XPA: variants seen among roughly 807,000 people sequenced by gnomAD.
XPA encodes DNA repair protein complementing XP-A cells.
In XPA, 27 loss-of-function variants were observed where a neutral mutation model predicts 35.7. The observed-to-expected ratio is 0.76, with a 90% CI of 0.56 to 1.04. The LOEUF is 1.04. Among genes scored for constraint, XPA ranks in the 50% least tolerant of loss-of-function variants. The pLI, the probability that XPA is intolerant of heterozygous loss-of-function variation, is 0.00. For synonymous variants in XPA, 133 were observed against 118.4 expected (o/e 1.12, Z -0.80); for missense variants, 354 against 342.7 (o/e 1.03, Z -0.26).
chr9:97,672,269 A>G (rs1237679065), downstream of XPA: 1 of 149,940 alleles, frequency 6.7e-6, no homozygotes, highest in Non-Finnish European at 1.5e-5. Context: ...TCCTACAACT[A>G]CTGGTAGTGT....
At chr9:97,679,423 A>G (rs1445528218) in intron 5 of XPA, among the ~76,000 whole-genome samples, 1 of 152,226 alleles carries the variant, frequency 6.6e-6, no homozygotes, top group Non-Finnish European at 1.5e-5. Flanking sequence ...TTAAAAAGAC[A>G]GGAGCTACCT....
chr9:97,667,029 G>A, the XPA span: 7 of 580,610 alleles, frequency 1.2e-5, no homozygotes, highest in Non-Finnish European at 2.1e-5. Context: ...TAATGCAGAA[G>A]CAGAAGAGGA....
chr9:97,660,352 T>C, the XPA span, among the ~76,000 whole-genome samples: 9 of 152,180 alleles, frequency 5.9e-5, no homozygotes, highest in African/African-American at 1.9e-4. Context: ...CAAATTTTTA[T>C]AATAAGGACT....
intron 1 of XPA, among the ~76,000 whole-genome samples, chr9:97,694,958 A>C (rs561381003): frequency 6.6e-6 from 1 of 152,372 alleles, no homozygotes; most frequent in East Asian, 1.9e-4. Flanking sequence ...AAATGTGTGA[A>C]TCTCTCAGAT....
At chr9:97,682,760 T>C (rs554007071) in intron 5 of XPA, among the ~76,000 whole-genome samples, 1 of 152,312 alleles carries the variant, frequency 6.6e-6, no homozygotes, top group Middle Eastern at 3.4e-3. Flanking sequence ...ATCTGGTGAT[T>C]AACAGCAGCA....
chr9:97,666,826 C>A, the XPA span: 2 of 1,610,018 alleles, frequency 1.2e-6, no homozygotes, highest in Non-Finnish European at 1.7e-6. Context: ...TCCTGAAGAT[C>A]CAGAAAGAGC....
chr9:97,685,144 G>T, intron 4 of XPA, 104 bp from the exon 5 acceptor site: 30 of 798,842 alleles, frequency 3.8e-5, no homozygotes, highest in East Asian at 5.8e-5. Flanking sequence ...TCTAACTCAA[G>T]TATAAATTTA....
the XPA span, among the ~76,000 whole-genome samples, chr9:97,668,631 A>G: frequency 6.6e-6 from 1 of 152,176 alleles, no homozygotes. Flanking sequence ...TGGCCTAGAT[A>G]AGAACCCATG....
chr9:97,656,042 C>A, the XPA span: 1 of 1,614,020 alleles, frequency 6.2e-7, no homozygotes. Flanking sequence ...TCCTGAAAGT[C>A]CCAAACCGAA....
rs1564035440 is a variant in XPA at position 97,675,090 on chromosome 9, T to C, written c.*349A>G. On this transcript the variant is annotated 3_prime_UTR_variant, in exon 6 of 6. Coordinates refer to ENST00000375128, the MANE Select transcript of XPA (RefSeq NM_000380.4). Reference sequence around the variant, plus strand: ...TCTTGGTTAAGAATCCAGTTCAGCCTTTGTTGAACCCTTTTCCCTCTACCC... The same window carrying C: ...TCTTGGTTAAGAATCCAGTTCAGCCCTTGTTGAACCCTTTTCCCTCTACCC... The C allele has an allele frequency of 3.7e-6, 2 of 540,458 alleles. No homozygotes were observed. Among genetic ancestry groups the C allele is most frequent in the Non-Finnish European group, 7.1e-6 (2 of 281,188 alleles). 33.5% of individuals were successfully genotyped at this position (540,458 alleles called of 1,614,324 possible). A position where few individuals can be genotyped will look rare whatever the true frequency, so the allele number is the denominator to read the frequency against.
chr9:97,683,677 C>T (rs1375242925), intron 5 of XPA, among the ~76,000 whole-genome samples: 2 of 151,060 alleles, frequency 1.3e-5, no homozygotes, highest in African/African-American at 4.9e-5. Flanking sequence ...GAAAATCATG[C>T]AATAAGAGCT....
the XPA span, among the ~76,000 whole-genome samples, chr9:97,656,510 C>G: frequency 3.3e-5 from 5 of 152,160 alleles, no homozygotes; most frequent in South Asian, 1.0e-3. Context: ...AAGATGGCGC[C>G]ACTGCACTCC....
chr9:97,654,933 C>G, the XPA span: 2 of 1,607,770 alleles, frequency 1.2e-6, no homozygotes, highest in African/African-American at 2.7e-5. Flanking sequence ...TGAACACTAC[C>G]TGTGTAGACA....
intron 5 of XPA, among the ~76,000 whole-genome samples, chr9:97,680,030 CT>C (rs1398847314): frequency 6.6e-6 from 1 of 152,130 alleles, no homozygotes; most frequent in Non-Finnish European, 1.5e-5. Context: ...GGCTGAGGGA[CT>C]AGTTTAAAAG....
chr9:97,669,546 A>AT, the XPA span: 1 of 1,362,060 alleles, frequency 7.3e-7, no homozygotes, highest in Non-Finnish European at 1.0e-6. Flanking sequence ...TTTCCAAAGT[A>AT]TAAGATTCTG....
chr9:97,661,023 A>G, the XPA span: 2 of 1,612,882 alleles, frequency 1.2e-6, no homozygotes, highest in Non-Finnish European at 1.7e-6. Flanking sequence ...TGAAATCTTC[A>G]GCATTCTGAA....
chr9:97,675,364 A>G lies in XPA; in HGVS notation c.*75T>C. On this transcript the variant is annotated 3_prime_UTR_variant, in exon 6 of 6. Coordinates refer to ENST00000375128, the MANE Select transcript of XPA (RefSeq NM_000380.4). ...ATGAAGATGTTGCTTTTTTTTTTGA[A>G]TTTTGAAAAGGACCAATCTAAATTT... 1 of 1,460,324 alleles carries G rather than the reference A, an allele frequency of 6.8e-7. No individual in the cohort carries two copies. 90.5% of individuals were successfully genotyped at this position (1,460,324 alleles called of 1,614,324 possible).
chr9:97,666,902 T>A, the XPA span: 1 of 1,463,882 alleles, frequency 6.8e-7, no homozygotes. Flanking sequence ...AACTTGTAAG[T>A]AGTTAAAGAA....
chr9:97,661,644 A>G, the XPA span, among the ~76,000 whole-genome samples: 1 of 151,782 alleles, frequency 6.6e-6, no homozygotes, highest in Non-Finnish European at 1.5e-5. Flanking sequence ...GTATTATGAT[A>G]TTAGAGAAAA....
Sources: allele counts gnomAD v4.1 joint callset (sites outside exome capture counted in the v4.1 genomes callset), GRCh38; gene constraint gnomAD v4.1.1; transcripts MANE v1.5; gene names NCBI Gene and HGNC (gene_info 2026-07-23, HGNC 2026-07-21).